Variants in ERBB4 observed in about 807,000 individuals in gnomAD.
The protein encoded by ERBB4 is erb-b2 receptor tyrosine kinase 4.
Under a neutral mutation model 158.0 loss-of-function variants are expected in ERBB4, and 42 were observed. The observed-to-expected ratio is 0.27, with a 90% confidence interval of 0.21 to 0.34. The LOEUF (loss-of-function observed/expected upper bound fraction) is 0.34, where lower values mean the gene tolerates loss of function less well. Ranked by LOEUF, ERBB4 falls within the 10% of genes least tolerant of loss-of-function variation. ERBB4 has a pLI of 1.00. For synonymous variants in ERBB4, 583 were observed against 558.7 expected, an observed-to-expected ratio of 1.04 and a Z score of -0.61; for missense variants, 1,333 against 1,624.1, an observed-to-expected ratio of 0.82 and a Z score of 3.08.
chr2:211,973,716 C>A (rs1416671056), intron 2 of ERBB4, among the ~76,000 whole-genome samples: 1 of 152,150 alleles, frequency 6.6e-6, no homozygotes, highest in Non-Finnish European at 1.5e-5. Flanking sequence ...TTCAACCCAG[C>A]AATCCCATGA....
chr2:211,619,199 T>A lies in ERBB4; in HGVS notation c.2279A>T (p.Lys760Met), dbSNP rs1461029681. The change falls in exon 19 of 28, where the codon AAG becomes ATG. Residue 760 changes from lysine to methionine, a missense_variant. Transcript: ENST00000342788. ...TACATCCATGAACTCCACATTTGCCTTGGGACCAGTTGTCTCATTAAGAAT... is the reference window on the plus strand; with the variant it reads ...TACATCCATGAACTCCACATTTGCCATGGGACCAGTTGTCTCATTAAGAAT... Reference protein sequence around the residue: ...IKILNETTGPKANVEFMDEAL... With the variant: ...IKILNETTGPMANVEFMDEAL... 3.1e-6 allele frequency: 5 copies of A among 1,609,454 alleles called. No homozygotes were observed. The highest frequency in any genetic ancestry group is 1.7e-5 in the Admixed American group (1 of 59,864).
chr2:212,321,967 T>G (rs1265507434), intron 1 of ERBB4, among the ~76,000 whole-genome samples: 2 of 150,262 alleles, frequency 1.3e-5, no homozygotes, highest in African/African-American at 4.8e-5. Context: ...TTAAGAAGAA[T>G]AATATAATTA....
Position 211,989,036 on chromosome 2 carries a change from A to T in ERBB4, c.235-41420T>A, listed in dbSNP as rs373727389. On this transcript the variant is annotated intron_variant, in intron 2 of 27. Coordinates refer to ENST00000342788, the MANE Select transcript of ERBB4 (RefSeq NM_005235.3). ...TTTCCAAGGTTCTTTTTTGTTCTAT[A>T]GTCCCATTTATGTTTTATTTTTGGA... 1.6e-4 allele frequency among the ~76,000 whole-genome samples: 25 copies of T among 152,070 alleles called. No individual in the cohort carries two copies. In the South Asian group the frequency reaches 5.0e-3, roughly 30 times the overall value.
intron 1 of ERBB4, among the ~76,000 whole-genome samples, chr2:212,491,258 T>C (rs1365487380): frequency 6.6e-6 from 1 of 151,712 alleles, no homozygotes; most frequent in Non-Finnish European, 1.5e-5. Flanking sequence ...GAACCTATTA[T>C]GTATAAACTT....
chr2:212,413,785 CAT>C (rs1200454306), intron 1 of ERBB4, among the ~76,000 whole-genome samples: 26 of 152,258 alleles, frequency 1.7e-4, no homozygotes, highest in Admixed American at 9.2e-4. Flanking sequence ...TGTACACACA[CAT>C]GTGCATTATA....
At chr2:211,561,398 C>T (rs192352421) in intron 20 of ERBB4, among the ~76,000 whole-genome samples, 1 of 152,264 alleles carries the variant, frequency 6.6e-6, no homozygotes, top group Non-Finnish European at 1.5e-5. Flanking sequence ...ATGTGACATG[C>T]CTAAGCCTTT....
intron 1 of ERBB4, among the ~76,000 whole-genome samples, chr2:212,277,504 G>C (rs1287270029): frequency 6.6e-6 from 1 of 151,624 alleles, no homozygotes. Flanking sequence ...CAAGGGCCTA[G>C]TGTAGAGTCT....
At chr2:211,633,288 C>T (rs1447778025) in intron 16 of ERBB4, among the ~76,000 whole-genome samples, 3 of 151,896 alleles carry the variant, frequency 2.0e-5, no homozygotes, top group South Asian at 2.1e-4. Context: ...AACACAAAGA[C>T]GTGCACCACA....
At chr2:211,783,493 T>C (rs1169305208) in intron 4 of ERBB4, among the ~76,000 whole-genome samples, 1 of 152,224 alleles carries the variant, frequency 6.6e-6, no homozygotes, top group Non-Finnish European at 1.5e-5. Flanking sequence ...AGTATGATAT[T>C]GGCTGTGGGT....
At chr2:212,046,170 G>A (rs180973577) in intron 2 of ERBB4, among the ~76,000 whole-genome samples, 94 of 152,190 alleles carry the variant, frequency 6.2e-4, no homozygotes, top group African/African-American at 2.2e-3. Context: ...AGAAATATGC[G>A]AAATCTAAAA....
In ERBB4 at chr2:211,683,097, A is replaced by C. The variant is rs533925405; in HGVS notation, c.1490-3913T>G. Among the ~76,000 whole-genome samples, 11 of 151,316 alleles carry C rather than the reference A, an allele frequency of 7.3e-5. 1 individual carries two copies. The highest frequency in any genetic ancestry group is 1.5e-4 in the Non-Finnish European group (10 of 67,842). The stretch of plus-strand genomic sequence containing the variant: ...TATCTTTTGGGTTTATAATATAAAT[A>C]TTTTAAATTTAATATTTTATTCTGA... On this transcript the variant is annotated intron_variant, in intron 12 of 27. Transcript: ENST00000342788.
chr2:212,383,739 A>C (rs187895937), intron 1 of ERBB4, among the ~76,000 whole-genome samples: 1 of 151,784 alleles, frequency 6.6e-6, no homozygotes, highest in Non-Finnish European at 1.5e-5. Flanking sequence ...AGTAGTTGGG[A>C]AGCACAATTC....
chr2:212,191,681 T>A (rs1168235027), intron 1 of ERBB4, among the ~76,000 whole-genome samples: 1 of 53,554 alleles, frequency 1.9e-5, no homozygotes, highest in Admixed American at 1.9e-4. Context: ...ATCGCGTGTG[T>A]TATACATGTT....
At chr2:211,845,847 T>C (rs1020051362) in intron 3 of ERBB4, among the ~76,000 whole-genome samples, 1 of 152,170 alleles carries the variant, frequency 6.6e-6, no homozygotes, top group African/African-American at 2.4e-5. Context: ...ACAATAGCTA[T>C]GCTAATTTGC....
At chr2:212,140,400 T>C (rs1325493340) in intron 1 of ERBB4, among the ~76,000 whole-genome samples, 1 of 135,646 alleles carries the variant, frequency 7.4e-6, no homozygotes, top group Non-Finnish European at 1.5e-5. Context: ...TATAGTAATA[T>C]CTATATATAT....
chr2:211,701,739 A>C (rs981827801), intron 12 of ERBB4, among the ~76,000 whole-genome samples: 1 of 133,090 alleles, frequency 7.5e-6, no homozygotes, highest in African/African-American at 2.9e-5. Context: ...CTGGGGCAAC[A>C]GAGCGAGACT....
intron 1 of ERBB4, among the ~76,000 whole-genome samples, chr2:212,304,127 G>A (rs1209092119): frequency 4.0e-5 from 6 of 151,476 alleles, no homozygotes. Context: ...TGGTCAAAAT[G>A]CTTTCAGCAG....
chr2:212,522,887 A>T (rs1692251889), intron 1 of ERBB4, among the ~76,000 whole-genome samples: 1 of 152,026 alleles, frequency 6.6e-6, no homozygotes, highest in South Asian at 2.1e-4. Flanking sequence ...TAAAAGTACC[A>T]GCAACGGGCT....
intron 25 of ERBB4, among the ~76,000 whole-genome samples, chr2:211,400,808 A>G (rs2063023861): frequency 6.6e-6 from 1 of 152,126 alleles, no homozygotes. Context: ...CACAAAGGAC[A>G]AATGTTTGAG....
Sources: allele counts gnomAD v4.1 joint callset (sites outside exome capture counted in the v4.1 genomes callset), GRCh38; gene constraint gnomAD v4.1.1; transcripts MANE v1.5; gene names NCBI Gene and HGNC (gene_info 2026-07-23, HGNC 2026-07-21).